KDM7A: variants seen among roughly 807,000 people sequenced by gnomAD.
KDM7A encodes the protein lysine demethylase 7A, also known as lysine-specific demethylase 7A.
KDM7A carries 28 observed loss-of-function variants against 114.8 expected under a neutral mutation model. The ratio of observed to expected loss-of-function variants is 0.24; its 90% CI spans 0.18 to 0.33. The LOEUF is 0.33. Ranked by LOEUF, KDM7A falls within the 10% of genes least tolerant of loss-of-function variation. The pLI, the probability that KDM7A is intolerant of heterozygous loss-of-function variation, is 1.00. For synonymous variants in KDM7A, 423 were observed against 397.8 expected (o/e 1.06, Z -0.75); for missense variants, 942 against 1,142.5 (o/e 0.82, Z 2.53).
At chr7:140,142,667 C>T (rs1257552425) in intron 1 of KDM7A, among the ~76,000 whole-genome samples, 1 of 152,142 alleles carries the variant, frequency 6.6e-6, no homozygotes, top group Non-Finnish European at 1.5e-5. Context: ...TAGTCTGATA[C>T]AGCCATTGTG....
chr7:140,162,970 A>C (rs1794536473), intron 1 of KDM7A, among the ~76,000 whole-genome samples: 1 of 151,990 alleles, frequency 6.6e-6, no homozygotes, highest in Non-Finnish European at 1.5e-5. Context: ...TTAATAAATA[A>C]AAAGTAAGAT....
chr7:140,129,750 C>T (rs2116806941), intron 3 of KDM7A, 97 bp from the exon 4 acceptor site: 1 of 709,676 alleles, frequency 1.4e-6, no homozygotes, highest in Non-Finnish European at 2.4e-6. Flanking sequence ...ACTGGATTAT[C>T]TATATCAGTG....
At position 140,124,730 on chromosome 7, in the gene KDM7A, A is replaced by G; in HGVS notation, c.942T>C (p.Tyr314=). The G allele has an allele frequency of 1.2e-6, 2 of 1,612,948 alleles. No homozygotes were observed. The highest frequency in any genetic ancestry group is 1.7e-6 in the Non-Finnish European group (2 of 1,179,230). ...IKPTDENLAR[Y]ESWSSSVTQS... ...GGGTCACAGATGAACTCCAAGATTC[A>G]TAACGTGCCAAATTTTCATCTGTTG... The change falls in exon 7 of 20, where the codon TAT becomes TAC. Residue 314 remains tyrosine, a synonymous_variant. Transcript: ENST00000397560.
intron 1 of KDM7A, 54 bp from the exon 2 acceptor site, chr7:140,139,244 A>G: frequency 8.2e-7 from 1 of 1,221,928 alleles, no homozygotes; most frequent in Non-Finnish European, 1.2e-6. Context: ...ATCTTCGCTT[A>G]ACTATAATAC....
intron 1 of KDM7A, among the ~76,000 whole-genome samples, chr7:140,163,737 T>G (rs1794545023): frequency 6.6e-6 from 1 of 152,156 alleles, no homozygotes; most frequent in Admixed American, 6.5e-5. Flanking sequence ...CCTTTAAATA[T>G]TTCTCATCCT....
At chr7:140,131,731 C>T (rs1049688175) in intron 3 of KDM7A, among the ~76,000 whole-genome samples, 2 of 152,186 alleles carry the variant, frequency 1.3e-5, no homozygotes, top group African/African-American at 4.8e-5. Flanking sequence ...CACTTGTATT[C>T]CCTGATCTCA....
At chr7:140,113,637 AAAGGG>A in intron 9 of KDM7A, 55 bp from the exon 10 acceptor site, 3 of 921,080 alleles carry the variant, frequency 3.3e-6, no homozygotes, top group Non-Finnish European at 5.2e-6. Context: ...TTCTAAAGTT[AAAGGG>A]ATTAACTTCA....
rs543081749 is a variant in KDM7A at position 140,159,974 on chromosome 7, C to T, written c.194+16770G>A. On this transcript the variant is annotated intron_variant, in intron 1 of 19. Coordinates refer to ENST00000397560, the MANE Select transcript of KDM7A (RefSeq NM_030647.2). ...AAAAAAAAAAAAAAAAACCTGTACC[C>T]TTTCTCTGTGTCTACTAGCCTATCA... 5.3e-5 allele frequency among the ~76,000 whole-genome samples: 8 copies of T among 150,426 alleles called. No homozygotes were observed. In the East Asian group the frequency reaches 9.7e-4, roughly 18 times the overall value.
intron 9 of KDM7A, among the ~76,000 whole-genome samples, chr7:140,115,200 G>A (rs1294422340): frequency 2.8e-4 from 41 of 147,798 alleles, no homozygotes; most frequent in African/African-American, 8.0e-4. Context: ...CCAGCCAGCC[G>A]CCCCGTCCGG....
At chr7:140,127,961 A>C (rs1339079228) in intron 4 of KDM7A, among the ~76,000 whole-genome samples, 1 of 152,212 alleles carries the variant, frequency 6.6e-6, no homozygotes, top group Non-Finnish European at 1.5e-5. Context: ...CTCAGGCATA[A>C]AATGAGGAGA....
At position 140,134,200 on chromosome 7, in the gene KDM7A, A is replaced by C. The variant is rs924114840; in HGVS notation, c.281-544T>G. Among the ~76,000 whole-genome samples the C allele has an allele frequency of 2.0e-5, 3 of 152,226 alleles. No individual in the cohort carries two copies. In the East Asian group the frequency reaches 5.8e-4, roughly 29 times the overall value. Reference sequence around the variant, plus strand: ...AAAGACGGGTAGCATGACAAAATACATAACTTCATCATTTATTCCAATGCT... The same window carrying C: ...AAAGACGGGTAGCATGACAAAATACCTAACTTCATCATTTATTCCAATGCT... On this transcript the variant is annotated intron_variant, in intron 2 of 19. Transcript: ENST00000397560.
chr7:140,140,906 T>C (rs1269853055), intron 1 of KDM7A, among the ~76,000 whole-genome samples: 1 of 152,082 alleles, frequency 6.6e-6, no homozygotes, highest in Non-Finnish European at 1.5e-5. Flanking sequence ...GCAAGTGCTA[T>C]GGTTACACAT....
chr7:140,139,763 A>G (rs908831408), intron 1 of KDM7A, among the ~76,000 whole-genome samples: 3 of 152,224 alleles, frequency 2.0e-5, no homozygotes, highest in African/African-American at 7.2e-5. Flanking sequence ...ATTGAAGACA[A>G]AAATTGATTC....
chr7:140,121,585 A>C (rs1818618499), intron 7 of KDM7A, among the ~76,000 whole-genome samples: 1 of 152,208 alleles, frequency 6.6e-6, no homozygotes, highest in East Asian at 1.9e-4. Flanking sequence ...ATGTTTTGGA[A>C]CGTTTAGGGG....
In KDM7A at chr7:140,094,061, G is replaced by A; in HGVS notation, c.2452C>T (p.Pro818Ser). The A allele has an allele frequency of 1.9e-6, 3 of 1,560,750 alleles. No individual in the cohort carries two copies. Among genetic ancestry groups the A allele is most frequent in the African/African-American group, 2.7e-5 (2 of 73,950 alleles). The stretch of plus-strand genomic sequence containing the variant: ...GTTTCAAACTTTGAATATACCTGAG[G>A]ATGAAATCTGGAAGTATCAAACTGT... ...IKQFDTSRFHPQDLSRSQKCI... is the reference protein window; with the variant it reads ...IKQFDTSRFHSQDLSRSQKCI... Residue 818 changes from proline to serine, a missense_variant, in exon 18 of 20, where the codon CCT (proline) becomes TCT (serine). Transcript: ENST00000397560.
chr7:140,127,207 C>A (rs1360869384), intron 5 of KDM7A, among the ~76,000 whole-genome samples: 2 of 152,218 alleles, frequency 1.3e-5, no homozygotes, highest in African/African-American at 4.8e-5. Flanking sequence ...GCGATCCACT[C>A]GCCTTGGCCT....
rs915313926 is a variant in KDM7A at position 140,096,689 on chromosome 7, G to A, written c.2240C>T (p.Ser747Phe). Residue 747 changes from serine to phenylalanine, a missense_variant, in exon 17 of 20, where the codon TCC becomes TTC. Coordinates refer to ENST00000397560, the MANE Select transcript of KDM7A (RefSeq NM_030647.2). ...TTGTATTTGCCTTTGTAAACACGTG[G>A]AATAGTGCAACCCTGCCATAGACAG... is the stretch of plus-strand genomic sequence containing the variant. ...GMLSMAGLHY[S>F]TCLQRQIQST... 2.5e-6 allele frequency: 4 copies of A among 1,614,032 alleles called. No homozygotes were observed. The highest frequency in any genetic ancestry group is 3.3e-5 in the Admixed American group (2 of 60,006).
chr7:140,171,535 A>ATATATTTATAAATATATATTTATTTT (rs1794639634), intron 1 of KDM7A, among the ~76,000 whole-genome samples: 1 of 143,450 alleles, frequency 7.0e-6, no homozygotes, highest in South Asian at 2.1e-4. Flanking sequence ...ATATTTATTT[A>ATATATTTATAAATATATATTTATTTT]TATATTTATA....
intron 17 of KDM7A, among the ~76,000 whole-genome samples, chr7:140,094,509 G>A (rs12374864): frequency 0.43 from 62,654 of 145,742 alleles, 13,185 homozygotes; most frequent in Middle Eastern, 0.47. Context: ...CATCTTGGGG[G>A]AAAAAAAAAA....
Sources: gnomAD v4.1 joint callset for allele counts (sites outside exome capture counted in the v4.1 genomes callset) on GRCh38, gnomAD v4.1.1 for gene constraint, MANE v1.5 for transcripts, NCBI Gene and HGNC (gene_info 2026-07-23, HGNC 2026-07-21) for gene names.